XKR5: variants seen among roughly 807,000 people sequenced by gnomAD.
XKR5 encodes the protein XK-related protein 5.
XKR5 carries 46 observed loss-of-function variants against 40.8 expected under a neutral mutation model. The ratio of observed to expected loss-of-function variants is 1.13; its 90% CI spans 0.89 to 1.44. XKR5 has a LOEUF of 1.44. Among genes scored for constraint, XKR5 ranks in the 40% most tolerant of loss-of-function variants. The pLI is 0.00. For missense variants in XKR5, 1,169 were observed against 844.7 expected, an observed-to-expected ratio of 1.38 and a Z score of -4.76; for synonymous variants, 466 against 356.1, an observed-to-expected ratio of 1.31 and a Z score of -3.48.
At chr8:6,817,580 A>G (rs1373578735) in intron 5 of XKR5, among the ~76,000 whole-genome samples, 1 of 151,996 alleles carries the variant, frequency 6.6e-6, no homozygotes, top group Non-Finnish European at 1.5e-5. Flanking sequence ...TGCTGACCTC[A>G]GTCTCCTTTA....
In XKR5 at chr8:6,810,471, CA is replaced by C. The variant is rs1206344921; in HGVS notation, c.*726del. The C allele has an allele frequency of 1.1e-4, 16 of 152,216 alleles. No individual in the cohort carries two copies. Among genetic ancestry groups the C allele is most frequent in the Admixed American group, 6.5e-4 (10 of 15,286 alleles). 9.4% of individuals were successfully genotyped at this position (152,216 alleles called of 1,614,324 possible). ...GGAACTCTTGGCTGGCCAGCCTGCACAAAGGGGAGCAGCACATTTCACAGAA... is the reference window on the plus strand; with the variant it reads ...GGAACTCTTGGCTGGCCAGCCTGCACAAGGGGAGCAGCACATTTCACAGAA... On this transcript the variant is annotated 3_prime_UTR_variant, in exon 7 of 7. Coordinates refer to ENST00000618742, the MANE Select transcript of XKR5 (RefSeq NM_207411.5).
At chr8:6,828,424 G>C (rs1323660214) in intron 2 of XKR5, among the ~76,000 whole-genome samples, 3 of 152,206 alleles carry the variant, frequency 2.0e-5, no homozygotes, top group African/African-American at 7.2e-5. Context: ...AGGCTGAGTT[G>C]TGGGGCTACT....
intron 2 of XKR5, among the ~76,000 whole-genome samples, chr8:6,830,719 T>C (rs2117118589): frequency 6.6e-6 from 1 of 152,354 alleles, no homozygotes; most frequent in South Asian, 2.1e-4. Flanking sequence ...TAATGGTTTT[T>C]CCTAATTTAT....
Position 6,811,757 on chromosome 8 carries a change from T to C in XKR5, c.1502A>G (p.Gln501Arg). The C allele has an allele frequency of 6.5e-7, 1 of 1,537,586 alleles. No homozygotes were observed. The highest frequency in any genetic ancestry group is 2.4e-5 in the East Asian group (1 of 40,912). ...ASDQQDEAPTQNPAATQGEGT... is the reference protein window; with the variant it reads ...ASDQQDEAPTRNPAATQGEGT... ...CTCCCCCTGCGTGGCTGCTGGGTTC[T>C]GGGTAGGTGCTTCATCCTGCTGATC... Residue 501 changes from glutamine (Q) to arginine (R), a missense_variant, in exon 7 of 7, where the codon CAG becomes CGG. By Grantham distance (43) the Gln-to-Arg change is conservative (BLOSUM62 1). Transcript: ENST00000618742.
rs1803742873 is a variant in XKR5 at position 6,812,106 on chromosome 8, G to A, written c.1153C>T (p.Pro385Ser). The change falls in exon 7 of 7, where the codon CCA becomes TCA. Residue 385 changes from proline to serine, a missense_variant. Transcript: ENST00000618742. The stretch of plus-strand genomic sequence containing the variant: ...ACCTGGGTCCCCAGCCCAGCCTCTG[G>A]GGGGACCTGCTCAGGGGTAGGGGGC... ...GKPPTPEQVP[P>S]EAGLGTQVAV... 6.5e-7 allele frequency: 1 copy of A among 1,546,082 alleles called. No individual in the cohort carries two copies. Among genetic ancestry groups the A allele is most frequent in the Non-Finnish European group, 8.7e-7 (1 of 1,146,986 alleles).
intron 3 of XKR5, 139 bp from the exon 4 acceptor site, chr8:6,823,869 C>T (rs1804349980): frequency 1.4e-6 from 1 of 714,696 alleles, no homozygotes; most frequent in African/African-American, 1.8e-5. Flanking sequence ...GTATTACTAA[C>T]CCACCACTTT....
chr8:6,813,534 G>C (rs545796070), intron 6 of XKR5, among the ~76,000 whole-genome samples: 1 of 152,334 alleles, frequency 6.6e-6, no homozygotes, highest in Non-Finnish European at 1.5e-5. Flanking sequence ...GGAAGGAAAA[G>C]GGGAGGAGCC....
chr8:6,819,865 T>TCCC (rs1804152456), intron 5 of XKR5, among the ~76,000 whole-genome samples: 1 of 147,308 alleles, frequency 6.8e-6, no homozygotes, highest in Non-Finnish European at 1.5e-5. Context: ...CCTTCCTTCC[T>TCCC]TCCCTCCCTC....
rs1408560835 is a variant in XKR5 at position 6,809,481 on chromosome 8, G to T, written c.*1717C>A. On this transcript the variant is annotated 3_prime_UTR_variant, in exon 7 of 7. Transcript: ENST00000618742. ...TTTATGTATTTTTAGTAGTGATGGG[G>T]TCTCACTACATTGCCCAGGCTGGTC... 6.6e-6 allele frequency: 1 copy of T among 152,042 alleles called. No homozygotes were observed. The highest frequency in any genetic ancestry group is 1.5e-5 in the Non-Finnish European group (1 of 68,026). 9.4% of individuals were successfully genotyped at this position (152,042 alleles called of 1,614,324 possible).
chr8:6,822,672 T>G (rs1804294421), intron 4 of XKR5, among the ~76,000 whole-genome samples: 1 of 152,240 alleles, frequency 6.6e-6, no homozygotes, highest in Non-Finnish European at 1.5e-5. Context: ...AACTGTTCCT[T>G]CTTGCAGAGT....
chr8:6,819,662 C>T (rs558947908), intron 5 of XKR5, among the ~76,000 whole-genome samples: 46 of 152,320 alleles, frequency 3.0e-4, no homozygotes, highest in African/African-American at 1.1e-3. Flanking sequence ...CCTGTCATCT[C>T]CGCCTTTTCT....
At chr8:6,813,746 A>G (rs2117079364) in intron 6 of XKR5, among the ~76,000 whole-genome samples, 2 of 152,198 alleles carry the variant, frequency 1.3e-5, no homozygotes, top group Middle Eastern at 6.8e-3. Flanking sequence ...GCCCGTGGCT[A>G]TGGACTCCCT....
intron 6 of XKR5, among the ~76,000 whole-genome samples, 166 bp downstream of exon 6, chr8:6,815,641 T>G (rs1803919335): frequency 6.6e-6 from 1 of 152,038 alleles, no homozygotes; most frequent in African/African-American, 2.4e-5. Context: ...GCTCAGTATC[T>G]CATGCTCTGA....
intron 2 of XKR5, among the ~76,000 whole-genome samples, chr8:6,826,065 T>C (rs1804461800): frequency 6.6e-6 from 1 of 152,082 alleles, no homozygotes. Context: ...TGTGTATGGA[T>C]TTGTGTGTCT....
In XKR5 at chr8:6,828,045, G is replaced by C. The variant is rs184126991; in HGVS notation, c.243-2696C>G. 1.1e-3 allele frequency among the ~76,000 whole-genome samples: 160 copies of C among 152,246 alleles called. No individual in the cohort carries two copies. The Middle Eastern group carries it at 0.014, about 13-fold the overall frequency. ...AATTATGCCACTGCACTCCAGCCTG[G>C]GTGACAGAGGCAGAAGACTCTCGTG... On this transcript the variant is annotated intron_variant, in intron 2 of 6. Coordinates refer to ENST00000618742, the MANE Select transcript of XKR5 (RefSeq NM_207411.5).
At chr8:6,819,440 C>T (rs1804123517) in intron 5 of XKR5, among the ~76,000 whole-genome samples, 1 of 152,234 alleles carries the variant, frequency 6.6e-6, no homozygotes, top group African/African-American at 2.4e-5. Flanking sequence ...TTCTAACCTG[C>T]CCAGAGGCAC....
chr8:6,834,768 C>T (rs560322941), intron 1 of XKR5, among the ~76,000 whole-genome samples: 173 of 152,214 alleles, frequency 1.1e-3, no homozygotes, highest in Non-Finnish European at 2.0e-3. Flanking sequence ...AGGAGTTACG[C>T]GTTCAAACCA....
intron 5 of XKR5, among the ~76,000 whole-genome samples, chr8:6,819,802 C>T (rs559414158): frequency 6.7e-6 from 1 of 149,246 alleles, no homozygotes; most frequent in East Asian, 2.1e-4. Flanking sequence ...GCTATCTTTA[C>T]CCTCCACTTC....
intron 4 of XKR5, among the ~76,000 whole-genome samples, chr8:6,823,260 G>A (rs1804320052): frequency 6.6e-6 from 1 of 152,188 alleles, no homozygotes; most frequent in Non-Finnish European, 1.5e-5. Flanking sequence ...TTCTGAGCCT[G>A]TTTTTATAGA....
Sources: gnomAD v4.1 joint callset for allele counts (sites outside exome capture counted in the v4.1 genomes callset) on GRCh38, gnomAD v4.1.1 for gene constraint, MANE v1.5 for transcripts, NCBI Gene and HGNC (gene_info 2026-07-23, HGNC 2026-07-21) for gene names.